The following ARHGAP39 variants were observed in gnomAD, a reference collection of about 807,000 sequenced individuals.
ARHGAP39 encodes the protein rho GTPase-activating protein 39.
Under a neutral mutation model 106.9 loss-of-function variants are expected in ARHGAP39, and 44 were observed. The ratio of observed to expected loss-of-function variants is 0.41; its 90% CI spans 0.32 to 0.53. The LOEUF is 0.53. Among genes scored for constraint, ARHGAP39 ranks in the 20% least tolerant of loss-of-function variants. The pLI, the probability that ARHGAP39 is intolerant of heterozygous loss-of-function variation, is 0.21. For missense variants in ARHGAP39, 1,496 were observed against 1,577.3 expected, an observed-to-expected ratio of 0.95 and a Z score of 0.87; for synonymous variants, 768 against 693.2, an observed-to-expected ratio of 1.11 and a Z score of -1.69.
chr8:144,595,185 A>G (rs1172184243), intron 2 of ARHGAP39, among the ~76,000 whole-genome samples: 1 of 152,234 alleles, frequency 6.6e-6, no homozygotes, highest in Non-Finnish European at 1.5e-5. Flanking sequence ...AAAAGTGGCA[A>G]CAGAGCAAAC....
chr8:144,628,824 A>C (rs1274200005), intron 1 of ARHGAP39, among the ~76,000 whole-genome samples: 1 of 152,126 alleles, frequency 6.6e-6, no homozygotes, highest in Non-Finnish European at 1.5e-5. Flanking sequence ...CCAGCTTCTC[A>C]CTGCCCCACC....
intron 1 of ARHGAP39, among the ~76,000 whole-genome samples, chr8:144,612,743 T>C (rs1820523281): frequency 6.7e-6 from 1 of 149,124 alleles, no homozygotes; most frequent in African/African-American, 2.5e-5. Flanking sequence ...GGCGACAGAG[T>C]GAGGTGAGCC....
chr8:144,600,641 C>T (rs752686272), intron 2 of ARHGAP39, among the ~76,000 whole-genome samples: 11 of 134,134 alleles, frequency 8.2e-5, no homozygotes, highest in Non-Finnish European at 9.4e-5. Flanking sequence ...TACCTACCTG[C>T]GTGTGCATGG....
chr8:144,566,087 C>T (rs1818385600), intron 3 of ARHGAP39, among the ~76,000 whole-genome samples: 1 of 141,076 alleles, frequency 7.1e-6, no homozygotes, highest in Admixed American at 6.8e-5. Flanking sequence ...GAGCGAGACC[C>T]TGTCTCAACA....
upstream of ARHGAP39, among the ~76,000 whole-genome samples, chr8:144,689,463 GTC>G (rs1310014492): frequency 9.4e-6 from 1 of 105,984 alleles, no homozygotes; most frequent in Non-Finnish European, 1.7e-5. Context: ...TTGAAAAGGA[GTC>G]TCACTCTGCC....
chr8:144,562,271 AGTGGTTTCCATCG>A (rs1818211399), intron 3 of ARHGAP39, among the ~76,000 whole-genome samples: 19 of 148,506 alleles, frequency 1.3e-4, no homozygotes, highest in Admixed American at 1.1e-3. Flanking sequence ...ATCGTGCTCC[AGTGGTTTCCATCG>A]TGCTCCAGTG....
chr8:144,670,647 C>G lies in ARHGAP39; in HGVS notation c.-82+15039G>C, dbSNP rs1370202172. 6.6e-6 allele frequency among the ~76,000 whole-genome samples: 1 copy of G among 152,130 alleles called. No homozygotes were observed. Among genetic ancestry groups the G allele is most frequent in the East Asian group, 1.9e-4 (1 of 5,190 alleles). ...TCCGGTCCTGCTAACCCCAGGGCTG[C>G]CACATGAGCTGATCCCCACCATCTT... is the stretch of plus-strand genomic sequence containing the variant. On this transcript the variant is annotated intron_variant, in intron 1 of 11. Transcript: ENST00000377307. The surrounding 1 kb of genome is among the most constrained non-coding windows in gnomAD (Gnocchi z 4.4).
intron 1 of ARHGAP39, among the ~76,000 whole-genome samples, chr8:144,611,526 T>G (rs1188654531): frequency 6.6e-6 from 1 of 151,178 alleles, no homozygotes; most frequent in East Asian, 1.9e-4. Flanking sequence ...ATAGCTCTGT[T>G]ATTAGGTGCA....
intron 3 of ARHGAP39, among the ~76,000 whole-genome samples, chr8:144,561,702 T>A (rs956129094): frequency 6.6e-6 from 1 of 150,678 alleles, no homozygotes; most frequent in Non-Finnish European, 1.5e-5. Context: ...GTGGTTTCCA[T>A]CACACTCCAG....
intron 1 of ARHGAP39, among the ~76,000 whole-genome samples, chr8:144,639,949 T>C (rs1292708577): frequency 9.2e-5 from 14 of 152,238 alleles, no homozygotes; most frequent in African/African-American, 3.4e-4. Flanking sequence ...AATAATTTAC[T>C]GGCTTTTCCT....
intron 1 of ARHGAP39, among the ~76,000 whole-genome samples, chr8:144,622,598 G>A (rs1189464643): frequency 6.6e-6 from 1 of 152,202 alleles, no homozygotes; most frequent in Non-Finnish European, 1.5e-5. Context: ...AGGAGTCAAT[G>A]TATTCAGAGT....
Position 144,604,296 on chromosome 8 carries a change from G to A in ARHGAP39, c.80+1239C>T, listed in dbSNP as rs893553486. ...GATGGACAGCAGTGTCTGCAGATGC[G>A]GGGCCCGGGAGGACCCAACACCACC... On this transcript the variant is annotated intron_variant, in intron 2 of 11. Transcript: ENST00000377307. This position sits in a 1 kb window ranked among gnomAD's most constrained non-coding sequence, Gnocchi z 4.1. Among the ~76,000 whole-genome samples, 2 of 152,146 alleles carry A rather than the reference G, an allele frequency of 1.3e-5. No homozygotes were observed. The highest frequency in any genetic ancestry group is 2.9e-5 in the Non-Finnish European group (2 of 68,024).
At position 144,645,293 on chromosome 8, in the gene ARHGAP39, T is replaced by G. The variant is rs1172425809; in HGVS notation, c.-81-39598A>C. The stretch of plus-strand genomic sequence containing the variant: ...GAACTGAAGGCACGAGAAGTCCAGG[T>G]GTCAAGGAGAGGTTGGCCATGAGGT... On this transcript the variant is annotated intron_variant, in intron 1 of 11. Coordinates refer to ENST00000377307, the MANE Select transcript of ARHGAP39 (RefSeq NM_025251.3). This position sits in a 1 kb window ranked among gnomAD's most constrained non-coding sequence, Gnocchi z 4.4. 6.6e-6 allele frequency among the ~76,000 whole-genome samples: 1 copy of G among 152,224 alleles called. No homozygotes were observed. The highest frequency in any genetic ancestry group is 2.4e-5 in the African/African-American group (1 of 41,460).
At chr8:144,603,191 G>A (rs1214509701) in intron 2 of ARHGAP39, among the ~76,000 whole-genome samples, 1 of 148,956 alleles carries the variant, frequency 6.7e-6, no homozygotes, top group African/African-American at 2.5e-5. Context: ...CTGTGTGTGT[G>A]CGTGGAGGCG....
intron 1 of ARHGAP39, among the ~76,000 whole-genome samples, chr8:144,608,217 A>C (rs1650726476): frequency 6.6e-6 from 1 of 151,712 alleles, no homozygotes; most frequent in Non-Finnish European, 1.5e-5. Flanking sequence ...AAATATTTTT[A>C]ATTTCTTGTT....
intron 1 of ARHGAP39, among the ~76,000 whole-genome samples, chr8:144,626,547 G>A (rs1156974964): frequency 9.7e-6 from 1 of 103,020 alleles, no homozygotes; most frequent in African/African-American, 4.0e-5. Context: ...CCCCTGTCCC[G>A]GCGGCCCCGT....
In ARHGAP39 at chr8:144,647,769, A is replaced by G. The variant is rs1026165458; in HGVS notation, c.-82+37917T>C. Reference sequence around the variant, plus strand: ...AGGGGAGGGCAGCTGGAAGCCATGCATGCGTCCACGGGGACCCCAAGAGAG... The same window carrying G: ...AGGGGAGGGCAGCTGGAAGCCATGCGTGCGTCCACGGGGACCCCAAGAGAG... On this transcript the variant is annotated intron_variant, in intron 1 of 11. Transcript: ENST00000377307. The surrounding 1 kb of genome is among the most constrained non-coding windows in gnomAD (Gnocchi z 4.8). Among the ~76,000 whole-genome samples the G allele has an allele frequency of 5.3e-5, 8 of 152,258 alleles. No homozygotes were observed. Among genetic ancestry groups the G allele is most frequent in the African/African-American group, 1.9e-4 (8 of 41,480 alleles).
chr8:144,607,584 GAGGC>G (rs1820341379), intron 1 of ARHGAP39, among the ~76,000 whole-genome samples: 1 of 152,146 alleles, frequency 6.6e-6, no homozygotes, highest in African/African-American at 2.4e-5. Context: ...CCCCCCAGGA[GAGGC>G]CATTCCATAG....
At chr8:144,696,910 T>C in the ARHGAP39 span, among the ~76,000 whole-genome samples, 1 of 152,238 alleles carries the variant, frequency 6.6e-6, no homozygotes, top group Non-Finnish European at 1.5e-5. Flanking sequence ...AGCAGAATTA[T>C]ACAGAATTTG....
Sources: allele counts gnomAD v4.1 joint callset (sites outside exome capture counted in the v4.1 genomes callset), GRCh38; gene constraint gnomAD v4.1.1; non-coding constraint Gnocchi (gnomAD v3.1); transcripts MANE v1.5; gene names NCBI Gene and HGNC (gene_info 2026-07-23, HGNC 2026-07-21).